AP4S1: variants seen among roughly 807,000 people sequenced by gnomAD.
AP4S1 encodes the protein AP-4 complex subunit sigma-1.
In AP4S1, 23 loss-of-function variants were observed where a neutral mutation model predicts 19.8. The observed-to-expected ratio is 1.16, with a 90% CI of 0.84 to 1.65. The LOEUF (loss-of-function observed/expected upper bound fraction) is 1.65. Among genes scored for constraint, AP4S1 ranks in the 40% most tolerant of loss-of-function variants. The pLI, the probability that AP4S1 is intolerant of heterozygous loss-of-function variation, is 0.00. For synonymous variants in AP4S1, 46 were observed against 54.1 expected, an observed-to-expected ratio of 0.85 and a Z score of 0.66; for missense variants, 166 against 172.8, an observed-to-expected ratio of 0.96 and a Z score of 0.22.
chr14:31,052,228 C>T (rs553133602), intron 1 of AP4S1, among the ~76,000 whole-genome samples: 17 of 152,066 alleles, frequency 1.1e-4, no homozygotes, highest in Admixed American at 2.6e-4. Flanking sequence ...GCCATGATTG[C>T]GCCACTGCAC....
chr14:31,035,845 T>G (rs375375101), intron 1 of AP4S1, among the ~76,000 whole-genome samples: 1 of 131,912 alleles, frequency 7.6e-6, no homozygotes, highest in African/African-American at 3.1e-5. Context: ...TTCTCCTGCC[T>G]CAGCCTTCCC....
intron 1 of AP4S1, among the ~76,000 whole-genome samples, chr14:31,062,836 G>A (rs969868947): frequency 6.6e-6 from 1 of 151,930 alleles, no homozygotes; most frequent in African/African-American, 2.4e-5. Flanking sequence ...GTGTGGTGGT[G>A]GGCACCCGTA....
chr14:31,092,885 A>AG (rs1338057344), intron 5 of AP4S1, 22 bp from the exon 6 acceptor site: 1 of 1,471,028 alleles, frequency 6.8e-7, no homozygotes, highest in Non-Finnish European at 9.1e-7. Context: ...ACTTTAAACT[A>AG]ATTTCCTTAA....
At chr14:31,039,986 A>G (rs567118854) in intron 1 of AP4S1, among the ~76,000 whole-genome samples, 1 of 152,256 alleles carries the variant, frequency 6.6e-6, no homozygotes, top group Non-Finnish European at 1.5e-5. Context: ...CATTAGAGTA[A>G]AAGACTTTGT....
chr14:31,092,826 A>T, intron 5 of AP4S1, 81 bp from the exon 6 acceptor site: 1 of 1,069,440 alleles, frequency 9.4e-7, no homozygotes, highest in Non-Finnish European at 1.3e-6. Context: ...TTACACTGGG[A>T]ACACTCTAGG....
chr14:31,095,170 G>C lies in AP4S1; in HGVS notation c.*2135G>C, dbSNP rs1888169379. ...GATCACAACACTGTACTCCAACCTG[G>C]GTAATGGAGTGAGGCCCTGCCTCAA... On this transcript the variant is annotated 3_prime_UTR_variant, in exon 6 of 6. Transcript: ENST00000542754. 6.6e-6 allele frequency: 1 copy of C among 152,140 alleles called. No homozygotes were observed. The highest frequency in any genetic ancestry group is 2.4e-5 in the African/African-American group (1 of 41,412). The allele number at this position is 152,140 out of a possible 1,614,324, so 9.4% of individuals were successfully genotyped here.
chr14:31,027,194 G>A (rs1273962364), intron 1 of AP4S1: 2 of 152,108 alleles, frequency 1.3e-5, no homozygotes, highest in African/African-American at 4.8e-5. Flanking sequence ...TGACGATGAT[G>A]GGTAGAGGGA....
chr14:31,090,027 T>G (rs112151257), intron 5 of AP4S1, among the ~76,000 whole-genome samples: 2,139 of 152,360 alleles, frequency 0.014, 53 homozygotes, highest in African/African-American at 0.049. Flanking sequence ...CTTACTCTGT[T>G]GCCCAGACTG....
At chr14:31,090,379 A>C (rs1275202236) in intron 5 of AP4S1, among the ~76,000 whole-genome samples, 1 of 152,218 alleles carries the variant, frequency 6.6e-6, no homozygotes, top group Non-Finnish European at 1.5e-5. Flanking sequence ...ATGATGTGAA[A>C]ATTCAGAAAG....
intron 5 of AP4S1, among the ~76,000 whole-genome samples, chr14:31,084,156 TTG>T (rs1400653976): frequency 6.6e-6 from 1 of 152,230 alleles, no homozygotes; most frequent in Non-Finnish European, 1.5e-5. Flanking sequence ...ATAATCTTGT[TTG>T]TGTTTGCTCA....
chr14:31,066,364 G>T, intron 2 of AP4S1, 30 bp downstream of exon 2: 1 of 1,613,394 alleles, frequency 6.2e-7, no homozygotes, highest in South Asian at 1.1e-5. Flanking sequence ...TTTTATCTCT[G>T]CATTCAACTC....
At chr14:31,033,345 T>C (rs1884524338) in intron 1 of AP4S1, among the ~76,000 whole-genome samples, 3 of 152,048 alleles carry the variant, frequency 2.0e-5, no homozygotes, top group African/African-American at 7.2e-5. Flanking sequence ...TCCTGAGTAG[T>C]TGGGACTACA....
At chr14:31,025,856 C>A (rs780857936) in intron 1 of AP4S1, 69 bp downstream of exon 1, 3 of 1,568,710 alleles carry the variant, frequency 1.9e-6, no homozygotes, top group Middle Eastern at 1.8e-4. Context: ...ACCCCCCGGC[C>A]GGGAACCCAG....
At chr14:31,051,158 C>T (rs929670615) in intron 1 of AP4S1, among the ~76,000 whole-genome samples, 1 of 150,966 alleles carries the variant, frequency 6.6e-6, no homozygotes, top group Non-Finnish European at 1.5e-5. Flanking sequence ...CAGGAGGCTG[C>T]GACAGGAAGA....
intron 4 of AP4S1, among the ~76,000 whole-genome samples, chr14:31,077,861 G>T (rs1475711499): frequency 1.3e-5 from 2 of 150,058 alleles, no homozygotes; most frequent in Admixed American, 6.7e-5. Flanking sequence ...TCAACCTCCC[G>T]AGTAGCTGGG....
chr14:31,025,799 T>C lies in AP4S1; in HGVS notation c.-72+12T>C. 5 of 1,481,700 alleles carry C rather than the reference T, an allele frequency of 3.4e-6. No individual in the cohort carries two copies. Among genetic ancestry groups the C allele is most frequent in the Non-Finnish European group, 4.5e-6 (5 of 1,109,108 alleles). 91.8% of individuals were successfully genotyped at this position (1,481,700 alleles called of 1,614,324 possible). The stretch of plus-strand genomic sequence containing the variant: ...CCTGAGCAGCACAGGTAGGTTCCGC[T>C]CGGCCTCCCAAGGCGCCGGCTCCGG... On this transcript the variant is annotated intron_variant, in intron 1 of 5. Coordinates refer to ENST00000542754, the MANE Select transcript of AP4S1 (RefSeq NM_001128126.3).
chr14:31,055,753 T>C (rs977356947), intron 1 of AP4S1, among the ~76,000 whole-genome samples: 3 of 152,228 alleles, frequency 2.0e-5, no homozygotes, highest in Admixed American at 6.5e-5. Context: ...TACAATGTTA[T>C]GATTCTGGGG....
intron 1 of AP4S1, among the ~76,000 whole-genome samples, chr14:31,052,437 A>C (rs1885848283): frequency 6.6e-6 from 1 of 152,002 alleles, no homozygotes; most frequent in African/African-American, 2.4e-5. Flanking sequence ...AAAAGGTAAA[A>C]TCATTGGCCA....
chr14:31,038,586 C>G (rs1260064851), intron 1 of AP4S1, among the ~76,000 whole-genome samples: 1 of 152,136 alleles, frequency 6.6e-6, no homozygotes, highest in Non-Finnish European at 1.5e-5. Flanking sequence ...TTGAGGCAAA[C>G]CCAGAGGTAA....
Sources: allele counts gnomAD v4.1 joint callset (sites outside exome capture counted in the v4.1 genomes callset), GRCh38; gene constraint gnomAD v4.1.1; transcripts MANE v1.5; gene names NCBI Gene and HGNC (gene_info 2026-07-23, HGNC 2026-07-21).